Variants in TRMT9B observed in about 807,000 individuals in gnomAD.
TRMT9B encodes tRNA methyltransferase 9B (putative).
Under a neutral mutation model 11.5 loss-of-function variants are expected in TRMT9B, and 16 were observed. That is an observed-to-expected ratio of 1.39 (90% CI 0.94 to 2.11). The LOEUF is 2.11. Among genes scored for constraint, TRMT9B ranks in the 30% most tolerant of loss-of-function variants. The pLI is 0.00. For synonymous variants in TRMT9B, 274 were observed against 192.4 expected, an observed-to-expected ratio of 1.42 and a Z score of -3.51; for missense variants, 941 against 553.8, an observed-to-expected ratio of 1.70 and a Z score of -7.02.
intron 1 of TRMT9B, chr8:12,951,743 G>C (rs1054096057): frequency 1.3e-5 from 2 of 151,986 alleles, no homozygotes; most frequent in Admixed American, 6.6e-5. Context: ...GGCCGCGGGC[G>C]GTCTCCCGAC....
At chr8:13,004,824 C>G (rs999655290) in intron 2 of TRMT9B, among the ~76,000 whole-genome samples, 3 of 151,958 alleles carry the variant, frequency 2.0e-5, no homozygotes, top group African/African-American at 7.3e-5. Context: ...ACATTAGGTA[C>G]CAGCTCGGCC....
At chr8:12,951,658 G>T (rs1349886281) in intron 1 of TRMT9B, 5 of 151,998 alleles carry the variant, frequency 3.3e-5, no homozygotes, top group Non-Finnish European at 5.9e-5. Context: ...CTGGGTTCCC[G>T]GACAGCTGAG....
chr8:12,980,919 T>A (rs1007525167), intron 1 of TRMT9B, among the ~76,000 whole-genome samples: 1 of 152,220 alleles, frequency 6.6e-6, no homozygotes, highest in Non-Finnish European at 1.5e-5. Context: ...GAAGTCACTA[T>A]GCGAATTCTT....
chr8:12,962,374 T>G (rs535309433), intron 1 of TRMT9B, among the ~76,000 whole-genome samples: 162 of 152,374 alleles, frequency 1.1e-3, no homozygotes, highest in Middle Eastern at 3.4e-3. Flanking sequence ...TCTTGTCTGA[T>G]AGTTTGTCTA....
At chr8:12,991,459 T>C (rs1401905844) in intron 2 of TRMT9B, among the ~76,000 whole-genome samples, 1 of 152,258 alleles carries the variant, frequency 6.6e-6, no homozygotes, top group Non-Finnish European at 1.5e-5. Context: ...TCGGACCAAC[T>C]TGCATTTTCA....
chr8:12,977,111 A>G (rs183812744), intron 1 of TRMT9B, among the ~76,000 whole-genome samples: 1 of 152,314 alleles, frequency 6.6e-6, no homozygotes, highest in East Asian at 1.9e-4. Flanking sequence ...TGTCTACTCT[A>G]TTGAATCCCT....
chr8:13,019,666 C>G (rs1397237873), intron 4 of TRMT9B, among the ~76,000 whole-genome samples: 1 of 152,156 alleles, frequency 6.6e-6, no homozygotes, highest in Non-Finnish European at 1.5e-5. Flanking sequence ...CTTTCTCAGT[C>G]CTGACTGCTA....
intron 1 of TRMT9B, chr8:12,961,784 C>G (rs972896949): frequency 2.6e-5 from 4 of 151,826 alleles, no homozygotes; most frequent in African/African-American, 9.7e-5. Context: ...CTACATAGCT[C>G]CAAGTCAAAA....
intron 4 of TRMT9B, among the ~76,000 whole-genome samples, chr8:13,018,427 A>T (rs937012928): frequency 6.6e-5 from 10 of 150,694 alleles, no homozygotes; most frequent in African/African-American, 2.4e-4. Flanking sequence ...AAAGAAAAAA[A>T]CCTACTTTGA....
chr8:12,955,698 G>C (rs1461801082), intron 1 of TRMT9B, among the ~76,000 whole-genome samples: 2 of 152,106 alleles, frequency 1.3e-5, no homozygotes, highest in South Asian at 2.1e-4. Flanking sequence ...TTCTCTGTTA[G>C]GTTGCAGATA....
At chr8:13,008,756 T>C (rs1034037443) in intron 3 of TRMT9B, among the ~76,000 whole-genome samples, 1 of 151,894 alleles carries the variant, frequency 6.6e-6, no homozygotes, top group East Asian at 1.9e-4. Context: ...TGAGACGGAG[T>C]CTTGCTCTGT....
At chr8:12,946,390 C>G (rs1800265672) in intron 1 of TRMT9B, among the ~76,000 whole-genome samples, 1 of 152,066 alleles carries the variant, frequency 6.6e-6, no homozygotes, top group African/African-American at 2.4e-5. Context: ...AAAAGCAGTA[C>G]AGATACAAAA....
Position 13,023,770 on chromosome 8 carries a change from T to A in TRMT9B, c.*1726T>A, listed in dbSNP as rs991205732. ...CATTTGTTCTTGGGTTCTTTTTTCC[T>A]TTAATGATTGTGCTATAACTTAAAA... On this transcript the variant is annotated 3_prime_UTR_variant, in exon 5 of 5. Transcript: ENST00000524591. 5 of 166,620 alleles carry A rather than the reference T, an allele frequency of 3.0e-5. No individual in the cohort carries two copies. Among genetic ancestry groups the A allele is most frequent in the Non-Finnish European group, 5.9e-5 (4 of 68,120 alleles). 10.3% of individuals were successfully genotyped at this position (166,620 alleles called of 1,614,324 possible). A position where few individuals can be genotyped will look rare whatever the true frequency, so the allele number is the denominator to read the frequency against.
rs913804316 is a variant in TRMT9B at position 13,027,803 on chromosome 8, G to A, written c.*5759G>A. On this transcript the variant is annotated 3_prime_UTR_variant, in exon 5 of 5. Coordinates refer to ENST00000524591, the MANE Select transcript of TRMT9B (RefSeq NM_020844.3). ...ATGGGAAAACCACGGAAGTGGGAGG[G>A]AATCAAGAAGCATTAACAGACCCTC... The A allele has an allele frequency of 1.5e-5, 2 of 137,268 alleles. No individual in the cohort carries two copies. Among genetic ancestry groups the A allele is most frequent in the African/African-American group, 3.4e-5 (1 of 29,372 alleles). The allele number at this position is 137,268 out of a possible 1,614,324, so 8.5% of individuals were successfully genotyped here.
At chr8:13,010,087 G>A (rs1245333454) in intron 3 of TRMT9B, among the ~76,000 whole-genome samples, 4 of 151,132 alleles carry the variant, frequency 2.6e-5, no homozygotes, top group South Asian at 2.1e-4. Flanking sequence ...GCAGTGAGCC[G>A]AGATGGTGCC....
intron 1 of TRMT9B, among the ~76,000 whole-genome samples, chr8:12,951,041 C>A (rs574080772): frequency 6.6e-6 from 1 of 152,108 alleles, no homozygotes; most frequent in Non-Finnish European, 1.5e-5. Flanking sequence ...GTTGAAGATA[C>A]TATTACGTTA....
At chr8:12,987,347 TGG>T (rs1473826488) in intron 1 of TRMT9B, among the ~76,000 whole-genome samples, 1 of 152,214 alleles carries the variant, frequency 6.6e-6, no homozygotes, top group East Asian at 1.9e-4. Flanking sequence ...CCACTTATGA[TGG>T]GGTTACATCC....
At chr8:12,986,163 A>T (rs956898466) in intron 1 of TRMT9B, among the ~76,000 whole-genome samples, 1 of 152,130 alleles carries the variant, frequency 6.6e-6, no homozygotes, top group African/African-American at 2.4e-5. Flanking sequence ...TGCCCAGTCA[A>T]TGATGATGTT....
rs867165153 is a variant in TRMT9B at position 12,994,675 on chromosome 8, C to T, written c.-2+3644C>T. 4.6e-5 allele frequency among the ~76,000 whole-genome samples: 7 copies of T among 152,204 alleles called. No homozygotes were observed. In the South Asian group the frequency reaches 1.0e-3, roughly 23 times the overall value. On this transcript the variant is annotated intron_variant, in intron 2 of 4. Coordinates refer to ENST00000524591, the MANE Select transcript of TRMT9B (RefSeq NM_020844.3). Reference sequence around the variant, plus strand: ...CAAGTGCAATTTAAACGACAAGAAACGAACATTTTCTTTTTTTTTATTTGA... The same window carrying T: ...CAAGTGCAATTTAAACGACAAGAAATGAACATTTTCTTTTTTTTTATTTGA...
Sources: gnomAD v4.1 joint callset for allele counts (sites outside exome capture counted in the v4.1 genomes callset) on GRCh38, gnomAD v4.1.1 for gene constraint, MANE v1.5 for transcripts, NCBI Gene and HGNC (gene_info 2026-07-23, HGNC 2026-07-21) for gene names.